The following ZNF420 variants were observed in gnomAD, a reference collection of about 807,000 sequenced individuals.
ZNF420 encodes ATM and p53-associated KZNF protein.
A neutral mutation model predicts 44.7 loss-of-function variants in ZNF420; 31 were observed. That is an observed-to-expected ratio of 0.69 (90% CI 0.52 to 0.94). The LOEUF (loss-of-function observed/expected upper bound fraction) is 0.94. ZNF420 is among the 40% of genes least tolerant of loss of function. The probability of loss-of-function intolerance (pLI) is 0.00; values close to 1 mark genes in which losing one functional copy is unlikely to be tolerated. For synonymous variants in ZNF420, 245 were observed against 267.4 expected (o/e 0.92, Z 0.82); for missense variants, 681 against 827.9 (o/e 0.82, Z 2.18).
At chr19:37,106,798 T>G (rs948155468) in intron 4 of ZNF420, 3 of 152,104 alleles carry the variant, frequency 2.0e-5, no homozygotes, top group Non-Finnish European at 4.4e-5. Context: ...CCTCAGTATT[T>G]ATTGATCATT....
chr19:37,098,395 G>A (rs1969580365), intron 4 of ZNF420, among the ~76,000 whole-genome samples: 1 of 152,138 alleles, frequency 6.6e-6, no homozygotes, highest in African/African-American at 2.4e-5. Context: ...CCTTTTAGGA[G>A]CACAGACACT....
chr19:37,076,382 T>C (rs1172442778), upstream of ZNF420, among the ~76,000 whole-genome samples: 1 of 152,028 alleles, frequency 6.6e-6, no homozygotes, highest in African/African-American at 2.4e-5. Context: ...TTATTTTTAT[T>C]TATTTATTAT....
intron 4 of ZNF420, among the ~76,000 whole-genome samples, chr19:37,110,900 G>T (rs1970353123): frequency 6.6e-6 from 1 of 152,112 alleles, no homozygotes; most frequent in Non-Finnish European, 1.5e-5. Flanking sequence ...TTGTTTTTGG[G>T]TAATGATTAT....
At chr19:37,083,515 T>C (rs914788828) in intron 2 of ZNF420, among the ~76,000 whole-genome samples, 2 of 152,240 alleles carry the variant, frequency 1.3e-5, no homozygotes, top group African/African-American at 2.4e-5. Flanking sequence ...ACTATTATTA[T>C]TAACTTGTGT....
intron 4 of ZNF420, chr19:37,115,015 G>A (rs7258360): frequency 0.53 from 82,475 of 156,142 alleles, 22,670 homozygotes; most frequent in African/African-American, 0.63. Context: ...GAATTTTAAT[G>A]GAGCTAAGAG....
intron 4 of ZNF420, among the ~76,000 whole-genome samples, chr19:37,125,257 T>C (rs902466175): frequency 4.8e-4 from 73 of 152,188 alleles, no homozygotes; most frequent in Non-Finnish European, 1.0e-4. Context: ...ACACACAGAA[T>C]TGTCCTTGAA....
intron 4 of ZNF420, among the ~76,000 whole-genome samples, chr19:37,102,319 C>T (rs966087150): frequency 1.3e-5 from 2 of 152,202 alleles, no homozygotes; most frequent in African/African-American, 4.8e-5. Context: ...CCATGAGATA[C>T]GGATGAATCT....
intron 3 of ZNF420, 129 bp downstream of exon 3, chr19:37,089,256 A>G (rs1968999283): frequency 2.4e-6 from 2 of 817,748 alleles, no homozygotes; most frequent in African/African-American, 1.7e-5. Flanking sequence ...AGTTTGTCCC[A>G]TTCTGATAAG....
At chr19:37,017,766 A>C (rs1030049882) in intron 1 of ZNF420, among the ~76,000 whole-genome samples, 5 of 152,230 alleles carry the variant, frequency 3.3e-5, no homozygotes, top group African/African-American at 1.2e-4. Flanking sequence ...CAAAGGAAGA[A>C]GGCCTGCTGT....
At chr19:37,127,094 T>G (rs1218930209) in intron 4 of ZNF420, 34 bp from the exon 5 acceptor site, 1 of 1,446,988 alleles carries the variant, frequency 6.9e-7, no homozygotes. Flanking sequence ...AGAAGTTATA[T>G]TTCTCAATTT....
At chr19:37,059,529 C>T (rs1599624757) in intron 1 of ZNF420, among the ~76,000 whole-genome samples, 2 of 152,168 alleles carry the variant, frequency 1.3e-5, no homozygotes, top group South Asian at 2.1e-4. Context: ...CCGGATGCCA[C>T]GAGTCGCACA....
At chr19:37,103,976 TTGTC>T (rs1318382131) in intron 4 of ZNF420, among the ~76,000 whole-genome samples, 3 of 112,594 alleles carry the variant, frequency 2.7e-5, no homozygotes, top group Admixed American at 9.4e-5. Flanking sequence ...CATTTTTTTT[TTGTC>T]TTTTTTTTTT....
intron 1 of ZNF420, among the ~76,000 whole-genome samples, chr19:37,058,856 T>G (rs909860167): frequency 3.9e-5 from 6 of 152,130 alleles, no homozygotes; most frequent in African/African-American, 1.4e-4. Context: ...TGTTTCCACG[T>G]CTCCTGGAAA....
chr19:37,052,857 G>T (rs888896505), intron 1 of ZNF420, among the ~76,000 whole-genome samples: 1 of 152,096 alleles, frequency 6.6e-6, no homozygotes, highest in Admixed American at 6.5e-5. Flanking sequence ...TGCTGTTCTC[G>T]AGGAGTATCT....
At chr19:37,052,441 A>C (rs1967656061) in intron 1 of ZNF420, among the ~76,000 whole-genome samples, 1 of 152,156 alleles carries the variant, frequency 6.6e-6, no homozygotes. Flanking sequence ...TAGTTGATGC[A>C]GTCTCTTCCT....
intron 1 of ZNF420, among the ~76,000 whole-genome samples, chr19:37,023,082 G>A (rs778842201): frequency 1.3e-4 from 20 of 152,070 alleles, no homozygotes; most frequent in Admixed American, 9.2e-4. Context: ...AGGTTGCAGT[G>A]AGCCGAGATT....
Position 37,127,360 on chromosome 19 carries a change from T to C in ZNF420, c.369T>C (p.His123=), listed in dbSNP as rs34905469. Residue 123 remains histidine (H), a synonymous_variant, in exon 5 of 5, where the codon CAT becomes CAC. Transcript: ENST00000337995. ...IYDKMSIFNQ[H]TYLSQHSRCH... ...ACAAAATGTCCATTTTCAACCAGCA[T>C]ACTTACTTATCTCAACATTCAAGAT... The C allele has an allele frequency of 2.1e-3, 3,316 of 1,612,858 alleles. 63 individuals carry two copies. In the African/African-American group the frequency reaches 0.038, roughly 19 times the overall value.
chr19:37,110,511 C>T (rs887581500), intron 4 of ZNF420, among the ~76,000 whole-genome samples: 10 of 152,148 alleles, frequency 6.6e-5, no homozygotes, highest in East Asian at 1.9e-4. Context: ...AGTGTGTGCT[C>T]GAATATGAGT....
intron 1 of ZNF420, among the ~76,000 whole-genome samples, chr19:37,041,659 A>G (rs1172520776): frequency 1.3e-5 from 2 of 152,214 alleles, no homozygotes; most frequent in Non-Finnish European, 2.9e-5. Context: ...CGCTTATTCT[A>G]GAAACATTGG....
Sources: gnomAD v4.1 joint callset for allele counts (sites outside exome capture counted in the v4.1 genomes callset) on GRCh38, gnomAD v4.1.1 for gene constraint, MANE v1.5 for transcripts, NCBI Gene and HGNC (gene_info 2026-07-23, HGNC 2026-07-21) for gene names.